The following DNMBP variants were observed in gnomAD, a reference collection of about 807,000 sequenced individuals.
The protein encoded by DNMBP is dynamin-binding protein.
DNMBP carries 87 observed loss-of-function variants against 150.0 expected under a neutral mutation model. That is an observed-to-expected ratio of 0.58 (90% CI 0.49 to 0.69). The LOEUF (loss-of-function observed/expected upper bound fraction) is 0.69. Among genes scored for constraint, DNMBP ranks in the 30% least tolerant of loss-of-function variants. The probability of loss-of-function intolerance (pLI) is 0.00; values close to 1 mark genes in which losing one functional copy is unlikely to be tolerated. For missense variants in DNMBP, 1,774 were observed against 1,949.0 expected, an observed-to-expected ratio of 0.91 and a Z score of 1.69; for synonymous variants, 711 against 750.4, an observed-to-expected ratio of 0.95 and a Z score of 0.86.
intron 4 of DNMBP, among the ~76,000 whole-genome samples, chr10:99,936,845 C>T (rs1039262478): frequency 2.0e-5 from 3 of 152,156 alleles, no homozygotes; most frequent in African/African-American, 7.2e-5. Context: ...GCTGGGACTA[C>T]AGGCATTTGT....
Position 99,900,122 on chromosome 10 carries a change from T to C in DNMBP, c.2555-56A>G, listed in dbSNP as rs186229808. 1.4e-4 allele frequency: 217 copies of C among 1,598,536 alleles called. 4 individuals are homozygous for C. The East Asian group carries it at 1.4e-3, about 10-fold the overall frequency. On this transcript the variant is annotated intron_variant, in intron 6 of 16. Transcript: ENST00000324109. ...TTAGTAAACTTTCTTCTCAGTATAC[T>C]AAATGTAAGGTACACAGCCAAACTT...
At chr10:100,008,418 G>A (rs2041098780) in intron 1 of DNMBP, among the ~76,000 whole-genome samples, 1 of 152,118 alleles carries the variant, frequency 6.6e-6, no homozygotes, top group African/African-American at 2.4e-5. Context: ...AGCCAGACTT[G>A]AGCTACTCTC....
At chr10:99,929,955 G>A in intron 4 of DNMBP, 1 of 702,820 alleles carries the variant, frequency 1.4e-6, no homozygotes, top group Non-Finnish European at 2.6e-6. Context: ...TGCAAATAAA[G>A]CATCATAGCC....
In DNMBP at chr10:99,876,248, A is replaced by G. The variant is rs1450278902; in HGVS notation, c.*903T>C. On this transcript the variant is annotated 3_prime_UTR_variant, in exon 17 of 17. Coordinates refer to ENST00000324109, the MANE Select transcript of DNMBP (RefSeq NM_015221.4). ...GTCCAGGGCAGGGGGGCCACCAGAC[A>G]TCACAGACTGTGTAAAGACCATCAG... 1 of 152,230 alleles carries G rather than the reference A, an allele frequency of 6.6e-6. No individual in the cohort carries two copies. The highest frequency in any genetic ancestry group is 1.9e-4 in the East Asian group (1 of 5,190). The allele number at this position is 152,230 out of a possible 1,614,324, so 9.4% of individuals were successfully genotyped here. A position where few individuals can be genotyped will look rare whatever the true frequency, so the allele number is the denominator to read the frequency against.
chr10:99,952,459 C>T (rs1420747919), intron 4 of DNMBP, among the ~76,000 whole-genome samples: 1 of 152,162 alleles, frequency 6.6e-6, no homozygotes, highest in Admixed American at 6.5e-5. Flanking sequence ...AGCTCAAGTA[C>T]TCATATTAAA....
intron 4 of DNMBP, among the ~76,000 whole-genome samples, chr10:99,946,619 TAA>T (rs769833827): frequency 1.6e-4 from 25 of 152,200 alleles, no homozygotes; most frequent in Non-Finnish European, 2.9e-4. Context: ...CAAGATGGAT[TAA>T]AGACTTACAT....
At chr10:99,972,419 G>A (rs1166326618) in intron 1 of DNMBP, among the ~76,000 whole-genome samples, 2 of 151,346 alleles carry the variant, frequency 1.3e-5, no homozygotes, top group Non-Finnish European at 2.9e-5. Context: ...ACAGGCATGT[G>A]CCACCATGTC....
At chr10:99,902,744 A>G (rs1045726996) in intron 6 of DNMBP, among the ~76,000 whole-genome samples, 1 of 151,402 alleles carries the variant, frequency 6.6e-6, no homozygotes, top group African/African-American at 2.4e-5. Context: ...CCTGGCCAAC[A>G]TGGCAAAACC....
intron 4 of DNMBP, among the ~76,000 whole-genome samples, chr10:99,925,271 C>T (rs1189648858): frequency 6.6e-6 from 1 of 152,106 alleles, no homozygotes; most frequent in African/African-American, 2.4e-5. Context: ...GTCAAGAGAG[C>T]CAGATTCTAT....
intron 4 of DNMBP, among the ~76,000 whole-genome samples, chr10:99,949,541 A>G (rs2040396499): frequency 6.6e-6 from 1 of 152,226 alleles, no homozygotes; most frequent in Admixed American, 6.5e-5. Context: ...TGACCTTATG[A>G]GAAATTGGCT....
chr10:99,966,615 G>A (rs1307500920), intron 3 of DNMBP, among the ~76,000 whole-genome samples: 2 of 152,188 alleles, frequency 1.3e-5, no homozygotes, highest in Non-Finnish European at 2.9e-5. Flanking sequence ...GGAGAGCTAT[G>A]AGTAAGGACA....
At chr10:99,969,898 T>C (rs2040657578) in intron 2 of DNMBP, among the ~76,000 whole-genome samples, 1 of 152,198 alleles carries the variant, frequency 6.6e-6, no homozygotes, top group Non-Finnish European at 1.5e-5. Context: ...TCCCTTTCTA[T>C]CATTCTTAAG....
chr10:99,936,367 G>A (rs1449376443), intron 4 of DNMBP, among the ~76,000 whole-genome samples: 4 of 152,116 alleles, frequency 2.6e-5, no homozygotes, highest in Non-Finnish European at 5.9e-5. Context: ...CAAAAGTGGT[G>A]ATTATTGGTA....
At chr10:99,911,008 G>A (rs966299523) in intron 4 of DNMBP, among the ~76,000 whole-genome samples, 9 of 152,212 alleles carry the variant, frequency 5.9e-5, no homozygotes, top group African/African-American at 9.6e-5. Flanking sequence ...GGGAGGCCGA[G>A]GTGGGTAGAT....
chr10:99,923,398 T>C (rs1373787357), intron 4 of DNMBP, among the ~76,000 whole-genome samples: 1 of 151,416 alleles, frequency 6.6e-6, no homozygotes, highest in Admixed American at 6.6e-5. Flanking sequence ...AAAAAAATAA[T>C]AATAAAATTC....
At chr10:99,922,892 C>T (rs2040039424) in intron 4 of DNMBP, among the ~76,000 whole-genome samples, 1 of 152,142 alleles carries the variant, frequency 6.6e-6, no homozygotes, top group Non-Finnish European at 1.5e-5. Flanking sequence ...TCTCCTTTGC[C>T]TCTTAACTAC....
intron 1 of DNMBP, among the ~76,000 whole-genome samples, chr10:99,978,209 G>C (rs1421865758): frequency 1.3e-5 from 2 of 152,162 alleles, no homozygotes; most frequent in Admixed American, 6.5e-5. Flanking sequence ...ATTCAGGCCT[G>C]TTTGATTCCC....
chr10:99,915,214 T>TACAC (rs10654941), intron 4 of DNMBP, among the ~76,000 whole-genome samples: 10,557 of 142,430 alleles, frequency 0.074, 460 homozygotes, highest in Middle Eastern at 0.19. Context: ...CATATATACA[T>TACAC]ACACACACAC....
At chr10:99,914,350 G>A (rs993350192) in intron 4 of DNMBP, among the ~76,000 whole-genome samples, 4 of 152,046 alleles carry the variant, frequency 2.6e-5, no homozygotes, top group African/African-American at 4.8e-5. Context: ...GTTGTTTTGC[G>A]TGGGAAATGG....
Sources: gnomAD v4.1 joint callset for allele counts (sites outside exome capture counted in the v4.1 genomes callset) on GRCh38, gnomAD v4.1.1 for gene constraint, MANE v1.5 for transcripts, NCBI Gene and HGNC (gene_info 2026-07-23, HGNC 2026-07-21) for gene names.